The following CIDEC variants were observed in gnomAD, a reference collection of about 807,000 sequenced individuals.
CIDEC encodes lipid transferase CIDEC.
Under a neutral mutation model 21.9 loss-of-function variants are expected in CIDEC, and 11 were observed. The ratio of observed to expected loss-of-function variants is 0.50; its 90% CI spans 0.32 to 0.83. The LOEUF is 0.83. CIDEC is among the 40% of genes least tolerant of loss of function. The pLI, the probability that CIDEC is intolerant of heterozygous loss-of-function variation, is 0.04. For synonymous variants in CIDEC, 127 were observed against 124.9 expected (o/e 1.02, Z -0.11); for missense variants, 302 against 302.3 (o/e 1.00, Z 0.01).
chr3:9,867,825 GA>G (rs1311260020), intron 6 of CIDEC, among the ~76,000 whole-genome samples: 1 of 151,832 alleles, frequency 6.6e-6, no homozygotes, highest in Non-Finnish European at 1.5e-5. Flanking sequence ...AGCTACTCGG[GA>G]AGCTGAGGCA....
intron 6 of CIDEC, among the ~76,000 whole-genome samples, chr3:9,869,485 A>C (rs2082315947): frequency 6.6e-6 from 1 of 152,120 alleles, no homozygotes; most frequent in South Asian, 2.1e-4. Context: ...CCTGACCTCA[A>C]GTGATCCACC....
chr3:9,875,250 G>A lies in CIDEC; in HGVS notation c.207+1816C>T, dbSNP rs527796051. On this transcript the variant is annotated intron_variant, in intron 4 of 6. Coordinates refer to ENST00000336832, the MANE Select transcript of CIDEC (RefSeq NM_001321142.2). ...AAATTAGCTGGGCGCGGTGGCGGGC[G>A]CCCGTAGTCCCAGCTACTCAGGAGG... is the stretch of plus-strand genomic sequence containing the variant. Among the ~76,000 whole-genome samples the A allele has an allele frequency of 1.2e-4, 18 of 151,882 alleles. No individual in the cohort carries two copies. In the East Asian group the frequency reaches 1.6e-3, roughly 13 times the overall value.
Position 9,878,528 on chromosome 3 carries a change from A to T in CIDEC, c.-25-17T>A, listed in dbSNP as rs748783569. ...GCGTTGGACCTGGGAAGGAGGCAGA[A>T]ACAATTCATCAGGGTGAGATGAGAG... On this transcript the variant is annotated splice_polypyrimidine_tract_variant and intron_variant, in intron 2 of 6. Transcript: ENST00000336832. 1.6e-5 allele frequency: 26 copies of T among 1,607,948 alleles called. No individual in the cohort carries two copies. The highest frequency in any genetic ancestry group is 2.2e-5 in the Non-Finnish European group (26 of 1,174,370).
At chr3:9,874,483 T>C (rs2082392444) in intron 4 of CIDEC, among the ~76,000 whole-genome samples, 1 of 151,486 alleles carries the variant, frequency 6.6e-6, no homozygotes, top group Non-Finnish European at 1.5e-5. Context: ...ATCACTGCAT[T>C]CTAGCCGGGG....
At chr3:9,873,852 G>A (rs1282919640) in intron 4 of CIDEC, among the ~76,000 whole-genome samples, 4 of 152,076 alleles carry the variant, frequency 2.6e-5, no homozygotes, top group South Asian at 4.2e-4. Context: ...GCATTATCAC[G>A]TCACTTTTCT....
intron 4 of CIDEC, among the ~76,000 whole-genome samples, chr3:9,876,779 A>C (rs1230832321): frequency 7.7e-5 from 11 of 142,276 alleles, no homozygotes; most frequent in South Asian, 2.2e-4. Context: ...AAAAAAAAAA[A>C]AAAAACTAAT....
At position 9,870,256 on chromosome 3, in the gene CIDEC, C is replaced by T. The variant is rs370820713; in HGVS notation, c.274G>A (p.Val92Ile). 3 of 1,614,122 alleles carry T rather than the reference C, an allele frequency of 1.9e-6. No homozygotes were observed. Among genetic ancestry groups the T allele is most frequent in the Non-Finnish European group, 1.7e-6 (2 of 1,180,014 alleles). The change falls in exon 5 of 7, where the codon GTA becomes ATA. Residue 92 changes from valine to isoleucine, a missense_variant. Coordinates refer to ENST00000336832, the MANE Select transcript of CIDEC (RefSeq NM_001321142.2). ...GCTTGGAAGTACTCTTCTGTCTCTA[C>T]AGTTGTGCCATCTTCCTCCAGCACC... ...FLVLEEDGTT[V>I]ETEEYFQALA...
intron 4 of CIDEC, among the ~76,000 whole-genome samples, chr3:9,876,757 CAAAAAAAAAAAAAAAA>C (rs6147705): frequency 7.4e-5 from 5 of 67,768 alleles, no homozygotes; most frequent in Admixed American, 1.3e-4. Flanking sequence ...GACTTCGTCT[CAAAAAAAAAAAAAAAA>C]AAAAAAAAAA....
At chr3:9,878,092 G>A (rs1428600015) in intron 3 of CIDEC, 1 of 260,170 alleles carries the variant, frequency 3.8e-6, no homozygotes, top group Non-Finnish European at 7.6e-6. Flanking sequence ...GGGTGATTGA[G>A]AGCACCCACT....
rs1476379371 is a variant in CIDEC at position 9,877,209 on chromosome 3, C to A, written c.64G>T (p.Val22Leu). ...YPKSLSRHVS[V>L]RTSVVTQQLL... The stretch of plus-strand genomic sequence containing the variant: ...TGCTGGGTCACCACAGAGGTACGCA[C>A]TGACACATGCCTGGGGCAGTTGAAG... The change falls in exon 4 of 7, where the codon GTG becomes TTG. Residue 22 changes from valine to leucine, a missense_variant. Coordinates refer to ENST00000336832, the MANE Select transcript of CIDEC (RefSeq NM_001321142.2). 3.2e-6 allele frequency: 5 copies of A among 1,550,130 alleles called. No individual in the cohort carries two copies. The African/African-American group carries it at 6.8e-5, about 21-fold the overall frequency.
chr3:9,866,758 G>C lies in CIDEC; in HGVS notation c.*376C>G, dbSNP rs2125038304. On this transcript the variant is annotated 3_prime_UTR_variant, in exon 7 of 7. Transcript: ENST00000336832. ...GCAAACTCCCTAATATCACATGCTA[G>C]TGCGCTTGCGAATTCACTCAGGAAT... 1 of 517,472 alleles carries C rather than the reference G, an allele frequency of 1.9e-6. No homozygotes were observed. The highest frequency in any genetic ancestry group is 3.4e-5 in the East Asian group (1 of 29,782). The allele number at this position is 517,472 out of a possible 1,614,324, so 32.1% of individuals were successfully genotyped here. A position where few individuals can be genotyped will look rare whatever the true frequency, so the allele number is the denominator to read the frequency against.
At chr3:9,879,621 G>A (rs1002544183) in intron 1 of CIDEC, among the ~76,000 whole-genome samples, 1 of 152,136 alleles carries the variant, frequency 6.6e-6, no homozygotes, top group Non-Finnish European at 1.5e-5. Flanking sequence ...CTAAACCTCT[G>A]TGCTCCAACT....
At chr3:9,873,414 G>A (rs1285879637) in intron 4 of CIDEC, among the ~76,000 whole-genome samples, 3 of 152,162 alleles carry the variant, frequency 2.0e-5, no homozygotes, top group African/African-American at 7.2e-5. Flanking sequence ...TCAGGAGATC[G>A]AGACCATCCT....
chr3:9,867,351 C>T (rs778619101), intron 6 of CIDEC, 55 bp from the exon 7 acceptor site: 73 of 1,587,782 alleles, frequency 4.6e-5, no homozygotes, highest in African/African-American at 1.3e-4. Context: ...TCGGGCATGG[C>T]GTTCACGCCT....
At position 9,866,872 on chromosome 3, in the gene CIDEC, G is replaced by C; in HGVS notation, c.*262C>G. 1 of 607,602 alleles carries C rather than the reference G, an allele frequency of 1.6e-6. No individual in the cohort carries two copies. The highest frequency in any genetic ancestry group is 2.9e-6 in the Non-Finnish European group (1 of 339,936). 37.6% of individuals were successfully genotyped at this position (607,602 alleles called of 1,614,324 possible). A position where few individuals can be genotyped will look rare whatever the true frequency, so the allele number is the denominator to read the frequency against. On this transcript the variant is annotated 3_prime_UTR_variant, in exon 7 of 7. Coordinates refer to ENST00000336832, the MANE Select transcript of CIDEC (RefSeq NM_001321142.2). ...CTAAGGGGCAGACTTCATGCCAATG[G>C]AGGGACAGACTTCAGGACCAGTCTG... is the stretch of plus-strand genomic sequence containing the variant.
At chr3:9,875,838 A>G (rs2082414908) in intron 4 of CIDEC, among the ~76,000 whole-genome samples, 1 of 152,210 alleles carries the variant, frequency 6.6e-6, no homozygotes. Context: ...TGCTTCCTCC[A>G]GGGGAAGCCA....
chr3:9,870,619 C>A, intron 4 of CIDEC: 1 of 697,594 alleles, frequency 1.4e-6, no homozygotes, highest in Non-Finnish European at 2.4e-6. Context: ...CAACAATCAC[C>A]ACTACCTAAT....
At position 9,878,561 on chromosome 3, in the gene CIDEC, A is replaced by G. The variant is rs1559254174; in HGVS notation, c.-25-50T>C. The G allele has an allele frequency of 4.0e-6, 6 of 1,517,952 alleles. No homozygotes were observed. In the Admixed American group the frequency reaches 1.0e-4, roughly 26 times the overall value. 94.0% of individuals were successfully genotyped at this position (1,517,952 alleles called of 1,614,324 possible). On this transcript the variant is annotated intron_variant, in intron 2 of 6. Coordinates refer to ENST00000336832, the MANE Select transcript of CIDEC (RefSeq NM_001321142.2). ...ATCAGGGTGAGATGAGAGGGTTCCC[A>G]TCTCTCTCATTGTTAGGCAAGGTGC...
intron 4 of CIDEC, among the ~76,000 whole-genome samples, chr3:9,874,756 G>T (rs1391886111): frequency 6.6e-6 from 1 of 151,778 alleles, no homozygotes; most frequent in Non-Finnish European, 1.5e-5. Context: ...TTTTAAACAG[G>T]GTCTCGCTCT....
Sources: gnomAD v4.1 joint callset for allele counts (sites outside exome capture counted in the v4.1 genomes callset) on GRCh38, gnomAD v4.1.1 for gene constraint, MANE v1.5 for transcripts, NCBI Gene and HGNC (gene_info 2026-07-23, HGNC 2026-07-21) for gene names.